Variants in CRCP observed in about 807,000 individuals in gnomAD.
CRCP encodes the protein CGRP receptor component, also known as DNA-directed RNA polymerase III subunit RPC9.
In CRCP, 18 loss-of-function variants were observed where a neutral mutation model predicts 18.5. That is an observed-to-expected ratio of 0.97 (90% CI 0.67 to 1.44). CRCP has a LOEUF of 1.44. CRCP is among the 40% of genes most tolerant of loss of function. The probability of loss-of-function intolerance (pLI) is 0.00; values close to 1 mark genes in which losing one functional copy is unlikely to be tolerated. For synonymous variants in CRCP, 53 were observed against 62.9 expected, an observed-to-expected ratio of 0.84 and a Z score of 0.75; for missense variants, 130 against 176.4, an observed-to-expected ratio of 0.74 and a Z score of 1.49.
At chr7:66,123,918 G>A (rs1584064535) in intron 1 of CRCP, among the ~76,000 whole-genome samples, 1 of 149,810 alleles carries the variant, frequency 6.7e-6, no homozygotes, top group African/African-American at 2.5e-5. Context: ...GGTGGCTGGC[G>A]CCTGTAGTCC....
chr7:66,141,722 G>GAGGC (rs1788145444), intron 4 of CRCP, among the ~76,000 whole-genome samples: 1 of 152,222 alleles, frequency 6.6e-6, no homozygotes, highest in African/African-American at 2.4e-5. Flanking sequence ...TGTCCGTGTG[G>GAGGC]AGGCACCAGG....
At chr7:66,129,071 C>T (rs1020515944) in intron 2 of CRCP, among the ~76,000 whole-genome samples, 4 of 152,078 alleles carry the variant, frequency 2.6e-5, no homozygotes, top group African/African-American at 7.2e-5. Flanking sequence ...CGGTGTCTCA[C>T]GCCTGTAATC....
chr7:66,143,648 A>T lies in CRCP; in HGVS notation c.240-1795A>T, dbSNP rs1788203076. On this transcript the variant is annotated intron_variant, in intron 4 of 5. Transcript: ENST00000395326. Reference sequence around the variant, plus strand: ...ACTGCCCTAATAATGACTGCCATTTATGGAGAAACTATCGTGAGACAGATG... The same window carrying T: ...ACTGCCCTAATAATGACTGCCATTTTTGGAGAAACTATCGTGAGACAGATG... 3.9e-5 allele frequency among the ~76,000 whole-genome samples: 6 copies of T among 152,316 alleles called. No homozygotes were observed. In the South Asian group the frequency reaches 1.2e-3, roughly 32 times the overall value.
At chr7:66,142,694 A>C (rs1182622358) in intron 4 of CRCP, among the ~76,000 whole-genome samples, 1 of 152,040 alleles carries the variant, frequency 6.6e-6, no homozygotes, top group Non-Finnish European at 1.5e-5. Context: ...ACAGAGTCTC[A>C]CTTTGTTGCC....
rs757659198 is a variant in CRCP at position 66,134,310 on chromosome 7, A to G, written c.175A>G (p.Arg59Gly). The change falls in exon 4 of 6, where the codon AGG becomes GGG. Residue 59 changes from arginine to glycine, a missense_variant. Transcript: ENST00000395326. ...AAAATACATATCAAAAACACCATGC[A>G]GGCACCAGAGTCCTGAAATTGTCAG... ...TLKYISKTPC[R>G]HQSPEIVREF... 144 of 1,607,318 alleles carry G rather than the reference A, an allele frequency of 9.0e-5. No individual in the cohort carries two copies. Among genetic ancestry groups the G allele is most frequent in the Middle Eastern group, 1.8e-4 (1 of 5,692 alleles).
At chr7:66,121,015 A>G (rs1787422120) in intron 1 of CRCP, among the ~76,000 whole-genome samples, 1 of 147,440 alleles carries the variant, frequency 6.8e-6, no homozygotes, top group African/African-American at 2.5e-5. Context: ...TTGAGGAAAT[A>G]CCTACTAAGT....
intron 1 of CRCP, among the ~76,000 whole-genome samples, chr7:66,120,059 G>C (rs537024967): frequency 6.6e-6 from 1 of 151,752 alleles, no homozygotes; most frequent in African/African-American, 2.4e-5. Flanking sequence ...GCGGGCGCCC[G>C]TAGTCCCAGC....
intron 3 of CRCP, among the ~76,000 whole-genome samples, chr7:66,131,922 C>T (rs1369046309): frequency 2.6e-5 from 4 of 151,970 alleles, no homozygotes; most frequent in Middle Eastern, 3.4e-3. Context: ...CCACCTTGCC[C>T]GGCTAATTTT....
At chr7:66,115,613 T>G (rs930385110) in intron 1 of CRCP, among the ~76,000 whole-genome samples, 2 of 152,178 alleles carry the variant, frequency 1.3e-5, no homozygotes, top group African/African-American at 2.4e-5. Context: ...TTTCCATGCT[T>G]GCTCGTTGCG....
intron 4 of CRCP, among the ~76,000 whole-genome samples, chr7:66,140,646 C>T (rs189589151): frequency 8.5e-5 from 13 of 152,292 alleles, no homozygotes; most frequent in Non-Finnish European, 1.8e-4. Flanking sequence ...CCGCCTCAGC[C>T]TCCCAAAGTG....
chr7:66,129,134 A>C (rs13245011), intron 2 of CRCP, among the ~76,000 whole-genome samples: 8 of 151,982 alleles, frequency 5.3e-5, no homozygotes, highest in East Asian at 1.9e-4. Context: ...GAGATCAAGA[A>C]CATCCTGGCT....
At chr7:66,140,889 A>G (rs1027189700) in intron 4 of CRCP, among the ~76,000 whole-genome samples, 3 of 152,224 alleles carry the variant, frequency 2.0e-5, no homozygotes, top group Non-Finnish European at 4.4e-5. Flanking sequence ...CTACAAATAC[A>G]TAGGCATTGT....
chr7:66,120,440 AT>A (rs1034584434), intron 1 of CRCP: 7 of 152,124 alleles, frequency 4.6e-5, no homozygotes, highest in Non-Finnish European at 8.8e-5. Context: ...CCAATCAAGA[AT>A]TTTGCAGCCA....
chr7:66,133,299 A>G (rs940152875), intron 3 of CRCP, among the ~76,000 whole-genome samples: 9 of 151,978 alleles, frequency 5.9e-5, no homozygotes, highest in Non-Finnish European at 1.2e-4. Flanking sequence ...AGGTCAGGAG[A>G]TCGAGACCAT....
At chr7:66,137,235 A>G (rs866553271) in intron 4 of CRCP, among the ~76,000 whole-genome samples, 2 of 152,142 alleles carry the variant, frequency 1.3e-5, no homozygotes, top group African/African-American at 4.8e-5. Context: ...TTTGCGTGCT[A>G]TTGTAAATGG....
At chr7:66,118,357 T>G (rs1213267962) in intron 1 of CRCP, among the ~76,000 whole-genome samples, 2 of 152,344 alleles carry the variant, frequency 1.3e-5, no homozygotes, top group African/African-American at 4.8e-5. Context: ...CTTTTTGTCT[T>G]TCATAGTACC....
At chr7:66,148,225 G>T (rs1405037438) in intron 5 of CRCP, among the ~76,000 whole-genome samples, 3 of 152,178 alleles carry the variant, frequency 2.0e-5, no homozygotes, top group African/African-American at 7.2e-5. Context: ...AGCTGGGCAT[G>T]GTGGCGGGCA....
chr7:66,122,827 T>C (rs545233245), intron 1 of CRCP, among the ~76,000 whole-genome samples: 37 of 152,338 alleles, frequency 2.4e-4, no homozygotes, highest in African/African-American at 7.5e-4. Flanking sequence ...CTTCTTGATA[T>C]GTTCTCACAT....
At chr7:66,118,814 T>C (rs1787349453) in intron 1 of CRCP, among the ~76,000 whole-genome samples, 1 of 152,216 alleles carries the variant, frequency 6.6e-6, no homozygotes, top group Non-Finnish European at 1.5e-5. Flanking sequence ...TAACTTTTGT[T>C]AAAGTATTTG....
Sources: gnomAD v4.1 joint callset for allele counts (sites outside exome capture counted in the v4.1 genomes callset) on GRCh38, gnomAD v4.1.1 for gene constraint, MANE v1.5 for transcripts, NCBI Gene and HGNC (gene_info 2026-07-23, HGNC 2026-07-21) for gene names.